The following CTNNA2 variants were observed in gnomAD, a reference collection of about 807,000 sequenced individuals.
The protein encoded by CTNNA2 is catenin alpha-2.
CTNNA2 carries 42 observed loss-of-function variants against 101.0 expected under a neutral mutation model. The ratio of observed to expected loss-of-function variants is 0.42; its 90% confidence interval spans 0.32 to 0.54. The LOEUF (loss-of-function observed/expected upper bound fraction) is 0.54. CTNNA2 is among the 20% of genes least tolerant of loss of function. CTNNA2 has a pLI of 0.14. For synonymous variants in CTNNA2, 450 were observed against 456.4 expected, an observed-to-expected ratio of 0.99 and a Z score of 0.18; for missense variants, 871 against 1,223.1, an observed-to-expected ratio of 0.71 and a Z score of 4.29.
chr2:79,980,247 G>A (rs149636927), intron 7 of CTNNA2, among the ~76,000 whole-genome samples: 43 of 152,192 alleles, frequency 2.8e-4, no homozygotes, highest in Non-Finnish European at 5.7e-4. Context: ...AAATGACATT[G>A]TCATTTTTAA....
intron 4 of CTNNA2, among the ~76,000 whole-genome samples, chr2:79,421,796 T>G (rs1678542578): frequency 1.3e-5 from 2 of 152,124 alleles, no homozygotes; most frequent in Non-Finnish European, 2.9e-5. Flanking sequence ...TGTAGGATGT[T>G]AGGAGAACAC....
chr2:79,914,259 G>GA (rs1397128109), intron 7 of CTNNA2, among the ~76,000 whole-genome samples: 1 of 151,296 alleles, frequency 6.6e-6, no homozygotes, highest in African/African-American at 2.4e-5. Context: ...GAGTTAAGTA[G>GA]AAAAATTTTG....
At chr2:80,552,219 T>A (rs1288182581) in intron 11 of CTNNA2, among the ~76,000 whole-genome samples, 2 of 152,126 alleles carry the variant, frequency 1.3e-5, no homozygotes, top group African/African-American at 4.8e-5. Flanking sequence ...ATTGCAACAA[T>A]TGCAAAACTG....
chr2:80,381,620 G>C (rs1038187806), intron 7 of CTNNA2, among the ~76,000 whole-genome samples: 1 of 152,172 alleles, frequency 6.6e-6, no homozygotes, highest in East Asian at 1.9e-4. Context: ...AACAGCCCTG[G>C]CTCTGGCACT....
At chr2:79,600,222 C>T (rs1677461513) in intron 1 of CTNNA2, among the ~76,000 whole-genome samples, 2 of 152,036 alleles carry the variant, frequency 1.3e-5, no homozygotes, top group Admixed American at 6.6e-5. Flanking sequence ...GTCACCCAGG[C>T]TGGAGTGCTG....
chr2:80,415,996 A>AGG (rs1437389915), intron 8 of CTNNA2, among the ~76,000 whole-genome samples: 1 of 152,250 alleles, frequency 6.6e-6, no homozygotes, highest in African/African-American at 2.4e-5. Context: ...CAAACAAACA[A>AGG]ACAAGAGGTG....
chr2:80,302,861 C>T lies in CTNNA2; in HGVS notation c.1057-90350C>T, dbSNP rs1676488127. ...CCACGAGGCTAGGGCACACACGTTGCGCCCGCAATCCCACAGGTTCCCGGC... is the reference window on the plus strand; with the variant it reads ...CCACGAGGCTAGGGCACACACGTTGTGCCCGCAATCCCACAGGTTCCCGGC... On this transcript the variant is annotated intron_variant, in intron 7 of 18. Coordinates refer to ENST00000402739, the MANE Select transcript of CTNNA2 (RefSeq NM_001282597.3). The surrounding 1 kb of genome is among the most constrained non-coding windows in gnomAD (Gnocchi z 6.4). The T allele has an allele frequency of 1.9e-6, 3 of 1,614,138 alleles. No individual in the cohort carries two copies. In the East Asian group the frequency reaches 6.7e-5, roughly 36 times the overall value.
intron 1 of CTNNA2, chr2:79,633,562 A>C (rs1679830841): frequency 6.6e-6 from 1 of 152,290 alleles, no homozygotes; most frequent in Non-Finnish European, 1.5e-5. Flanking sequence ...CGGGTAAGAA[A>C]GAGCAGGGGC....
intron 1 of CTNNA2, among the ~76,000 whole-genome samples, chr2:79,559,578 T>C (rs1487988870): frequency 6.6e-6 from 1 of 151,948 alleles, no homozygotes; most frequent in Non-Finnish European, 1.5e-5. Context: ...AACCAGGCTT[T>C]CAAACCATAA....
chr2:79,431,306 G>C (rs983907627), intron 4 of CTNNA2, among the ~76,000 whole-genome samples: 1 of 152,088 alleles, frequency 6.6e-6, no homozygotes, highest in African/African-American at 2.4e-5. Flanking sequence ...TTATGAGTTA[G>C]CCTAATGCAG....
chr2:79,997,790 C>G (rs926385671), intron 7 of CTNNA2, among the ~76,000 whole-genome samples: 12 of 152,092 alleles, frequency 7.9e-5, no homozygotes, highest in Non-Finnish European at 2.9e-5. Flanking sequence ...TCTTCTAAAC[C>G]GCGTTGCACC....
intron 2 of CTNNA2, among the ~76,000 whole-genome samples, chr2:79,719,786 A>T (rs1230285762): frequency 1.3e-5 from 2 of 152,028 alleles, no homozygotes; most frequent in South Asian, 4.1e-4. Flanking sequence ...TGTATTCTGG[A>T]TACTAGACCT....
intron 7 of CTNNA2, among the ~76,000 whole-genome samples, chr2:80,155,585 T>C (rs554164571): frequency 4.6e-5 from 7 of 152,136 alleles, no homozygotes; most frequent in South Asian, 2.1e-4. Flanking sequence ...CTGTAGAGTA[T>C]TGAAATCAAA....
chr2:79,914,524 G>A (rs1484491213), intron 7 of CTNNA2, among the ~76,000 whole-genome samples: 1 of 152,134 alleles, frequency 6.6e-6, no homozygotes, highest in Non-Finnish European at 1.5e-5. Context: ...GGTCCTTGTT[G>A]TGTCTTGTGC....
At chr2:79,742,211 G>A (rs1056104773) in intron 2 of CTNNA2, among the ~76,000 whole-genome samples, 1 of 152,020 alleles carries the variant, frequency 6.6e-6, no homozygotes, top group Admixed American at 6.6e-5. Flanking sequence ...GAAATGTGTC[G>A]GCCCCTCCAG....
At chr2:80,206,604 G>A (rs980375118) in intron 7 of CTNNA2, among the ~76,000 whole-genome samples, 2 of 152,120 alleles carry the variant, frequency 1.3e-5, no homozygotes, top group South Asian at 2.1e-4. Context: ...AGGGAGAAGC[G>A]AGTGCATTCT....
At chr2:79,924,697 A>C (rs1411981826) in intron 7 of CTNNA2, among the ~76,000 whole-genome samples, 1 of 152,130 alleles carries the variant, frequency 6.6e-6, no homozygotes, top group Non-Finnish European at 1.5e-5. Context: ...GCATTATTCA[A>C]AGTGAGTTGA....
chr2:79,420,454 C>T (rs1678529328), intron 4 of CTNNA2, among the ~76,000 whole-genome samples: 1 of 152,114 alleles, frequency 6.6e-6, no homozygotes, highest in South Asian at 2.1e-4. Context: ...TAGAAATGGA[C>T]TAAAGGCAGG....
rs1674239207 is a variant in CTNNA2 at position 80,647,517 on chromosome 2, T to C, written c.2575-68T>C. On this transcript the variant is annotated intron_variant, in intron 18 of 18. Transcript: ENST00000402739. ...GAAAACATTATTTTAACCGTGAAAGTACATCACCATTTTGTGAATTTGGGG... is the reference window on the plus strand; with the variant it reads ...GAAAACATTATTTTAACCGTGAAAGCACATCACCATTTTGTGAATTTGGGG... 8.7e-6 allele frequency: 11 copies of C among 1,266,262 alleles called. No individual in the cohort carries two copies. The Admixed American group carries it at 1.4e-4, about 16-fold the overall frequency. The allele number at this position is 1,266,262 out of a possible 1,614,324, so 78.4% of individuals were successfully genotyped here.
Sources: gnomAD v4.1 joint callset for allele counts (sites outside exome capture counted in the v4.1 genomes callset) on GRCh38, gnomAD v4.1.1 for gene constraint, Gnocchi (gnomAD v3.1) non-coding constraint, MANE v1.5 for transcripts, NCBI Gene and HGNC (gene_info 2026-07-23, HGNC 2026-07-21) for gene names.